The following ATXN8OS variants were observed in gnomAD, a reference collection of about 807,000 sequenced individuals.
The protein encoded by ATXN8OS is ATXN8 opposite strand (non-protein coding).
At chr13:70,152,146 A>C (rs1379069403) in intron 4 of ATXN8OS, among the ~76,000 whole-genome samples, 1 of 151,976 alleles carries the variant, frequency 6.6e-6, no homozygotes, top group Non-Finnish European at 1.5e-5. Flanking sequence ...TCTTTTCCCT[A>C]AGTGCTTTCA....
At position 70,107,926 on chromosome 13, in the gene ATXN8OS, G is replaced by T. The variant is rs746592989; in HGVS notation, n.147G>T. 1.0e-5 allele frequency: 5 copies of T among 497,338 alleles called. No individual in the cohort carries two copies. In the Admixed American group the frequency reaches 1.9e-4, roughly 19 times the overall value. 30.8% of individuals were successfully genotyped at this position (497,338 alleles called of 1,614,324 possible). On this transcript the variant is annotated non_coding_transcript_exon_variant, in exon 1 of 5. Transcript: ENST00000678624. ...GTGGTCGGGTCCGCAGGACCTGGGCGTGGGGACACCACCAGGCAGGAGCAG... is the reference window on the plus strand; with the variant it reads ...GTGGTCGGGTCCGCAGGACCTGGGCTTGGGGACACCACCAGGCAGGAGCAG...
chr13:70,137,955 T>C (rs544597063), intron 3 of ATXN8OS, among the ~76,000 whole-genome samples: 8 of 152,150 alleles, frequency 5.3e-5, no homozygotes, highest in Non-Finnish European at 8.8e-5. Context: ...CATTTTACCA[T>C]GGTGGAGCAG....
At chr13:70,134,908 C>T (rs1176409004) in intron 3 of ATXN8OS, among the ~76,000 whole-genome samples, 6 of 152,156 alleles carry the variant, frequency 3.9e-5, no homozygotes, top group Admixed American at 2.6e-4. Flanking sequence ...GAGTCTGAAA[C>T]GGGAAAAGAT....
intron 3 of ATXN8OS, chr13:70,139,400 T>TGCCGCTGCCGCTGCCGCTGCCGCTGCC: frequency 1.6e-6 from 1 of 630,254 alleles, no homozygotes. Flanking sequence ...CTGCTGCTGC[T>TGCCGCTGCCGCTGCCGCTGCCGCTGCC]GCTGCTGCTG....
chr13:70,128,171 A>G (rs188451287), intron 2 of ATXN8OS, among the ~76,000 whole-genome samples: 2 of 152,294 alleles, frequency 1.3e-5, no homozygotes, highest in African/African-American at 4.8e-5. Flanking sequence ...TTAGGCATTT[A>G]AAACTTGATT....
chr13:70,130,649 A>C, intron 3 of ATXN8OS: 1 of 398,388 alleles, frequency 2.5e-6, no homozygotes, highest in Non-Finnish European at 4.4e-6. Context: ...CTAGGAATGC[A>C]CAAGTAAGCA....
chr13:70,116,827 C>T (rs1888286625), intron 2 of ATXN8OS, among the ~76,000 whole-genome samples: 1 of 152,094 alleles, frequency 6.6e-6, no homozygotes, highest in Non-Finnish European at 1.5e-5. Context: ...GTTGCCAGGT[C>T]TGGCATTCAT....
chr13:70,156,467 A>T (rs1888937496), intron 4 of ATXN8OS, among the ~76,000 whole-genome samples: 1 of 152,168 alleles, frequency 6.6e-6, no homozygotes. Context: ...TAAAACTATA[A>T]GAAATAATAT....
chr13:70,131,477 C>T (rs1343418361), intron 3 of ATXN8OS: 1 of 398,364 alleles, frequency 2.5e-6, no homozygotes, highest in Admixed American at 4.4e-5. Flanking sequence ...TACCTTTTCT[C>T]CAGTCTCATT....
At chr13:70,163,275 T>G (rs1452120739) in intron 4 of ATXN8OS, among the ~76,000 whole-genome samples, 3 of 152,098 alleles carry the variant, frequency 2.0e-5, no homozygotes, top group Non-Finnish European at 4.4e-5. Context: ...AACATTTATG[T>G]ACCTTGTTGA....
At chr13:70,112,539 C>T (rs568863337) in intron 1 of ATXN8OS, among the ~76,000 whole-genome samples, 35 of 152,092 alleles carry the variant, frequency 2.3e-4, no homozygotes, top group African/African-American at 8.2e-4. Context: ...ATCTTCATTA[C>T]AGTATAGTTA....
intron 4 of ATXN8OS, among the ~76,000 whole-genome samples, chr13:70,148,506 A>G (rs1888820055): frequency 1.3e-5 from 2 of 152,008 alleles, no homozygotes; most frequent in South Asian, 4.1e-4. Flanking sequence ...GCCTGAATTA[A>G]TTTTTCAGGT....
intron 3 of ATXN8OS, among the ~76,000 whole-genome samples, chr13:70,142,717 T>A (rs977837790): frequency 1.1e-4 from 17 of 152,074 alleles, no homozygotes; most frequent in African/African-American, 4.1e-4. Context: ...ACTTTTGATT[T>A]TTTTTTTGGA....
intron 3 of ATXN8OS, among the ~76,000 whole-genome samples, chr13:70,147,139 G>A (rs1041735837): frequency 6.6e-6 from 1 of 152,076 alleles, no homozygotes; most frequent in Non-Finnish European, 1.5e-5. Flanking sequence ...ACAATGTATT[G>A]TCTGAAGACA....
chr13:70,140,291 TAA>T (rs1206470485), intron 3 of ATXN8OS, among the ~76,000 whole-genome samples: 1 of 152,112 alleles, frequency 6.6e-6, no homozygotes, highest in Non-Finnish European at 1.5e-5. Flanking sequence ...CTGACCATCT[TAA>T]AAAGTTACTG....
chr13:70,129,373 TTCTG>T (rs1236072626), intron 2 of ATXN8OS, among the ~76,000 whole-genome samples: 6 of 98,934 alleles, frequency 6.1e-5, no homozygotes, highest in African/African-American at 2.6e-4. Flanking sequence ...GCTTGTATTT[TTCTG>T]TGTGTGTGTG....
chr13:70,142,064 A>G (rs990035610), intron 3 of ATXN8OS, among the ~76,000 whole-genome samples: 3 of 152,012 alleles, frequency 2.0e-5, no homozygotes, highest in Non-Finnish European at 4.4e-5. Flanking sequence ...TTGTATTTTT[A>G]CAAGAGACAG....
chr13:70,165,598 T>C (rs1246900886), intron 4 of ATXN8OS, among the ~76,000 whole-genome samples: 1 of 151,986 alleles, frequency 6.6e-6, no homozygotes, highest in Non-Finnish European at 1.5e-5. Flanking sequence ...AATAATTATC[T>C]GCGTATCCAA....
chr13:70,135,640 A>T (rs1555300243), intron 3 of ATXN8OS, among the ~76,000 whole-genome samples: 2 of 144,454 alleles, frequency 1.4e-5, no homozygotes, highest in Admixed American at 1.4e-4. Flanking sequence ...TTTTTCTTAC[A>T]TTCCTTTCCC....
Sources: allele counts gnomAD v4.1 joint callset (sites outside exome capture counted in the v4.1 genomes callset), GRCh38; gene constraint gnomAD v4.1.1; transcripts MANE v1.5; gene names NCBI Gene and HGNC (gene_info 2026-07-23, HGNC 2026-07-21).